SLC35D2: variants seen among roughly 807,000 people sequenced by gnomAD.
SLC35D2 encodes nucleotide sugar transporter SLC35D2.
SLC35D2 carries 43 observed loss-of-function variants against 41.8 expected under a neutral mutation model. The observed-to-expected ratio is 1.03, with a 90% CI of 0.81 to 1.33. SLC35D2 has a LOEUF of 1.33. Among genes scored for constraint, SLC35D2 ranks in the 40% most tolerant of loss-of-function variants. The pLI, the probability that SLC35D2 is intolerant of heterozygous loss-of-function variation, is 0.00. For missense variants in SLC35D2, 380 were observed against 408.4 expected (o/e 0.93, Z 0.60); for synonymous variants, 150 against 163.9 (o/e 0.92, Z 0.65).
downstream of SLC35D2, among the ~76,000 whole-genome samples, chr9:96,317,859 C>A (rs7035061): frequency 0.55 from 77,647 of 142,216 alleles, 20,984 homozygotes; most frequent in African/African-American, 0.64. Flanking sequence ...CCAGTCGCTA[C>A]CAAAAATACA....
Position 96,351,176 on chromosome 9 carries a change from A to G in SLC35D2, c.420-5T>C, listed in dbSNP as rs1421655469. 1.3e-6 allele frequency: 2 copies of G among 1,586,592 alleles called. No homozygotes were observed. Among genetic ancestry groups the G allele is most frequent in the South Asian group, 2.2e-5 (2 of 90,502 alleles). On this transcript the variant is annotated splice_region_variant and splice_polypyrimidine_tract_variant and intron_variant, in intron 5 of 11. Coordinates refer to ENST00000253270, the MANE Select transcript of SLC35D2 (RefSeq NM_007001.3). ...ATGTTGAGTGAATACTGCTTCCTGT[A>G]ATAAATACACAAATAAGAAAGGAAA...
At chr9:96,327,032 CAGAGG>C (rs1187696279) in intron 9 of SLC35D2, among the ~76,000 whole-genome samples, 1 of 152,186 alleles carries the variant, frequency 6.6e-6, no homozygotes, top group Non-Finnish European at 1.5e-5. Flanking sequence ...AGACCCAGAT[CAGAGG>C]AGAGAGCTGC....
intron 1 of SLC35D2, among the ~76,000 whole-genome samples, chr9:96,371,718 C>CTTTTTTT (rs774105070): frequency 1.1e-5 from 1 of 90,590 alleles, no homozygotes; most frequent in Non-Finnish European, 2.1e-5. Context: ...AACTAAATTT[C>CTTTTTTT]TTTTTTTTTT....
At chr9:96,323,532 C>T (rs1304651157) in intron 10 of SLC35D2, among the ~76,000 whole-genome samples, 1 of 152,144 alleles carries the variant, frequency 6.6e-6, no homozygotes, top group African/African-American at 2.4e-5. Context: ...TTCATTTTCC[C>T]AGACCCACCC....
intron 11 of SLC35D2, 136 bp from the exon 12 acceptor site, chr9:96,321,477 T>C (rs1828223284): frequency 6.3e-6 from 4 of 638,880 alleles, no homozygotes; most frequent in African/African-American, 1.8e-5. Context: ...CTCCTCAAGT[T>C]TGTGGATTGC....
At chr9:96,367,493 G>C (rs1830519762) in intron 2 of SLC35D2, among the ~76,000 whole-genome samples, 1 of 152,034 alleles carries the variant, frequency 6.6e-6, no homozygotes, top group East Asian at 1.9e-4. Context: ...GGCGTAGTTT[G>C]AAAGCTTACC....
At chr9:96,355,817 A>C (rs1281785836) in intron 4 of SLC35D2, among the ~76,000 whole-genome samples, 2 of 152,084 alleles carry the variant, frequency 1.3e-5, no homozygotes, top group Non-Finnish European at 2.9e-5. Flanking sequence ...TGTTTAAATC[A>C]AAAAAAGAAA....
intron 11 of SLC35D2, 93 bp downstream of exon 11, chr9:96,321,905 G>T (rs1459425392): frequency 1.5e-5 from 11 of 729,244 alleles, no homozygotes; most frequent in African/African-American, 1.1e-4. Flanking sequence ...TAACGTGAAA[G>T]ACTTCTCCAG....
chr9:96,314,590 G>C (rs1053071333), exon 12 of SLC35D2: 1 of 152,114 alleles, frequency 6.6e-6, no homozygotes, highest in Non-Finnish European at 1.5e-5. Context: ...GGCCTGTTAG[G>C]GGGGTGCGGG....
intron 6 of SLC35D2, among the ~76,000 whole-genome samples, chr9:96,349,745 C>CT (rs748804149): frequency 6.6e-6 from 1 of 152,140 alleles, no homozygotes; most frequent in Non-Finnish European, 1.5e-5. Context: ...AGGCTGGTCT[C>CT]TAACTCCTGA....
At chr9:96,355,010 C>G (rs10990684) in intron 4 of SLC35D2, among the ~76,000 whole-genome samples, 2,089 of 150,674 alleles carry the variant, frequency 0.014, 48 homozygotes, top group African/African-American at 0.047. Flanking sequence ...GCAGCCTGGG[C>G]AACAGAGCAA....
rs1828187881 is a variant in SLC35D2 at position 96,320,953 on chromosome 9, G to A, written c.*289C>T. 3.5e-6 allele frequency: 1 copy of A among 289,010 alleles called. No individual in the cohort carries two copies. Among genetic ancestry groups the A allele is most frequent in the Non-Finnish European group, 6.5e-6 (1 of 153,492 alleles). 17.9% of individuals were successfully genotyped at this position (289,010 alleles called of 1,614,324 possible). A position where few individuals can be genotyped will look rare whatever the true frequency, so the allele number is the denominator to read the frequency against. On this transcript the variant is annotated 3_prime_UTR_variant, in exon 12 of 12. Transcript: ENST00000253270. ...CCAGCACACAGCACAGAGATGCCAC[G>A]AAGGCCCCATAGGTCCCTAGAAGAG...
chr9:96,371,961 C>T (rs576720371), intron 1 of SLC35D2, among the ~76,000 whole-genome samples: 12 of 151,844 alleles, frequency 7.9e-5, no homozygotes, highest in Non-Finnish European at 1.2e-4. Flanking sequence ...CTCCTGACCT[C>T]GTGATCCGCC....
At chr9:96,327,581 C>T (rs915391444) in intron 9 of SLC35D2, among the ~76,000 whole-genome samples, 31 of 152,038 alleles carry the variant, frequency 2.0e-4, no homozygotes, top group Admixed American at 1.8e-3. Flanking sequence ...CAACAGATGG[C>T]GGCTAGATAG....
At chr9:96,339,028 A>T (rs560259759) in intron 8 of SLC35D2, among the ~76,000 whole-genome samples, 1 of 152,364 alleles carries the variant, frequency 6.6e-6, no homozygotes, top group East Asian at 1.9e-4. Context: ...TAAAAACTCT[A>T]TATGTGTTCC....
chr9:96,326,541 C>T (rs1239740539), intron 9 of SLC35D2, among the ~76,000 whole-genome samples: 3 of 152,240 alleles, frequency 2.0e-5, no homozygotes, highest in South Asian at 2.1e-4. Context: ...TGGTGGCTCA[C>T]GCCTGTAATC....
At chr9:96,343,675 AG>A (rs1297634407) in intron 8 of SLC35D2, among the ~76,000 whole-genome samples, 2 of 152,220 alleles carry the variant, frequency 1.3e-5, no homozygotes, top group African/African-American at 4.8e-5. Context: ...TTTTCCAAAA[AG>A]TACCAAGTCC....
chr9:96,370,720 A>G (rs890958765), intron 1 of SLC35D2, among the ~76,000 whole-genome samples: 2 of 152,208 alleles, frequency 1.3e-5, no homozygotes, highest in Admixed American at 6.5e-5. Flanking sequence ...CTCACAGAAG[A>G]TAAGTCAAAG....
At chr9:96,332,859 C>T (rs1828869994) in intron 9 of SLC35D2, among the ~76,000 whole-genome samples, 3 of 151,754 alleles carry the variant, frequency 2.0e-5, no homozygotes, top group Admixed American at 1.3e-4. Flanking sequence ...TTAATGATTT[C>T]ATCATTTTTA....
Sources: allele counts gnomAD v4.1 joint callset (sites outside exome capture counted in the v4.1 genomes callset), GRCh38; gene constraint gnomAD v4.1.1; transcripts MANE v1.5; gene names NCBI Gene and HGNC (gene_info 2026-07-23, HGNC 2026-07-21).